The following OR2T10 variants were observed in gnomAD, a reference collection of about 807,000 sequenced individuals.
OR2T10 encodes the protein olfactory receptor 2T10.
For missense variants in OR2T10, 335 were observed against 382.5 expected (o/e 0.88, Z 1.04); for synonymous variants, 125 against 141.8 (o/e 0.88, Z 0.84).
In OR2T10 at chr1:248,594,725, T is replaced by C. The variant is rs537367041; in HGVS notation, c.-28-929A>G. Among the ~76,000 whole-genome samples, 15 of 143,718 alleles carry C rather than the reference T, an allele frequency of 1.0e-4. No homozygotes were observed. The South Asian group carries it at 3.3e-3, about 31-fold the overall frequency. 94.3% of individuals were successfully genotyped at this position (143,718 alleles called of 152,430 possible). A position where few individuals can be genotyped will look rare whatever the true frequency, so the allele number is the denominator to read the frequency against. On this transcript the variant is annotated intron_variant, in intron 1 of 1. Transcript: ENST00000642090. Reference sequence around the variant, plus strand: ...CCTTCTTTATAAAATTAAAGTAAAATGTAATTGGATTTTACAAGCCCACAT... The same window carrying C: ...CCTTCTTTATAAAATTAAAGTAAAACGTAATTGGATTTTACAAGCCCACAT...
rs116405511 is a variant in OR2T10 at position 248,590,624 on chromosome 1, C to A, written c.*2206G>T. On this transcript the variant is annotated 3_prime_UTR_variant, in exon 2 of 2. Transcript: ENST00000642090. ...TGGGGTTCTATGTGAGCTATAACTT[C>A]TAACCATATTCTATTTGGCCCATCT... 684 of 143,366 alleles carry A rather than the reference C, an allele frequency of 4.8e-3. 131 individuals are homozygous for A. The highest frequency in any genetic ancestry group is 0.018 in the African/African-American group (647 of 36,474). 8.9% of individuals were successfully genotyped at this position (143,366 alleles called of 1,614,324 possible).
chr1:248,594,322 C>T (rs1257033626), intron 1 of OR2T10, among the ~76,000 whole-genome samples: 1 of 143,432 alleles, frequency 7.0e-6, no homozygotes, highest in Non-Finnish European at 1.5e-5. Context: ...TAATTGTAAA[C>T]ATTTTAAACA....
chr1:248,593,599 G>C lies in OR2T10; in HGVS notation c.170C>G (p.Thr57Ser). Residue 57 changes from threonine to serine, a missense_variant, in exon 2 of 2, where the codon ACT (threonine) becomes AGT (serine). By Grantham distance (58) the Thr-to-Ser change is moderately conservative. Transcript: ENST00000642090. ...CTGGTTTATAAAGAAGTACATGGGA[G>C]TATGCAGAGAGGAGTCAATGTGGAT... ...LLIHIDSSLH[T>S]PMYFFINQLS... The C allele has an allele frequency of 3.8e-6, 6 of 1,566,080 alleles. No individual in the cohort carries two copies. The highest frequency in any genetic ancestry group is 5.2e-6 in the Non-Finnish European group (6 of 1,152,310).
chr1:248,596,985 G>A (rs1319467798), intron 1 of OR2T10, among the ~76,000 whole-genome samples: 1 of 143,338 alleles, frequency 7.0e-6, no homozygotes, highest in Non-Finnish European at 1.5e-5. Flanking sequence ...GGAGGAAGAA[G>A]AGAGGAAAAG....
Position 248,592,958 on chromosome 1 carries a change from C to T in OR2T10, c.811G>A (p.Asp271Asn). 6.4e-7 allele frequency: 1 copy of T among 1,568,966 alleles called. No homozygotes were observed. The highest frequency in any genetic ancestry group is 8.7e-7 in the Non-Finnish European group (1 of 1,153,118). Residue 271 changes from aspartate (D) to asparagine (N), a missense_variant, in exon 2 of 2, where the codon GAT becomes AAT. Coordinates refer to ENST00000642090, the MANE Select transcript of OR2T10 (RefSeq NM_001004693.2). ...GTGTAGAAAAAGGATGACATCATAT[C>T]TTTCTCAGGAGTTTGGTAGGAGCTG... ...LPSSYQTPEK[D>N]MMSSFFYTIL...
chr1:248,595,176 A>G (rs1356805688), intron 1 of OR2T10: 1 of 142,894 alleles, frequency 7.0e-6, no homozygotes, highest in Non-Finnish European at 1.5e-5. Context: ...TCTCTTGTTC[A>G]GAATTCTGTG....
rs78681164 is a variant in OR2T10 at position 248,595,715 on chromosome 1, A to C, written c.-29+1777T>G. On this transcript the variant is annotated intron_variant, in intron 1 of 1. Transcript: ENST00000642090. Reference sequence around the variant, plus strand: ...TAAACTATATTTTCCTGGAGCAGAAAGTAATTTTCTAAGTATAAAGGCAAA... The same window carrying C: ...TAAACTATATTTTCCTGGAGCAGAACGTAATTTTCTAAGTATAAAGGCAAA... Among the ~76,000 whole-genome samples, 14 of 143,740 alleles carry C rather than the reference A, an allele frequency of 9.7e-5. No homozygotes were observed. The East Asian group carries it at 2.8e-3, about 29-fold the overall frequency. 94.3% of individuals were successfully genotyped at this position (143,740 alleles called of 152,430 possible).
intron 1 of OR2T10, among the ~76,000 whole-genome samples, chr1:248,594,765 T>A (rs1660066203): frequency 7.0e-6 from 1 of 143,482 alleles, no homozygotes; most frequent in East Asian, 2.0e-4. Context: ...TCTTCCAATC[T>A]CCCCATTTTG....
chr1:248,595,344 GCTTTT>G (rs1558163904), intron 1 of OR2T10, among the ~76,000 whole-genome samples: 1 of 143,216 alleles, frequency 7.0e-6, no homozygotes, highest in Non-Finnish European at 1.5e-5. Context: ...TTATATTGCA[GCTTTT>G]CTTATGTAAC....
At position 248,592,660 on chromosome 1, in the gene OR2T10, G is replaced by A; in HGVS notation, c.*170C>T. The A allele has an allele frequency of 2.0e-6, 1 of 490,984 alleles. No individual in the cohort carries two copies. 30.4% of individuals were successfully genotyped at this position (490,984 alleles called of 1,614,324 possible). On this transcript the variant is annotated 3_prime_UTR_variant, in exon 2 of 2. Coordinates refer to ENST00000642090, the MANE Select transcript of OR2T10 (RefSeq NM_001004693.2). ...GCTACGAGGGAAGGGGGGGATAAGT[G>A]AACATCATCTCAAGTGTGATTATAG...
Position 248,592,997 on chromosome 1 carries a change from T to C in OR2T10, c.772A>G (p.Asn258Asp). The change falls in exon 2 of 2, where the codon AAC becomes GAC. Residue 258 changes from asparagine to aspartate, a missense_variant. Transcript: ENST00000642090. The stretch of plus-strand genomic sequence containing the variant: ...TGGTAGGAGCTGGGGAGCATGTAGT[T>C]GTAAATAGCAGCTCCATAGAAGAGG... ...VSLFYGAAIY[N>D]YMLPSSYQTP... The C allele has an allele frequency of 6.4e-7, 1 of 1,572,752 alleles. No individual in the cohort carries two copies. Among genetic ancestry groups the C allele is most frequent in the South Asian group, 1.1e-5 (1 of 88,880 alleles).
In OR2T10 at chr1:248,595,285, TTAA is replaced by T. The variant is rs557632444; in HGVS notation, c.-28-1492_-28-1490del. Among the ~76,000 whole-genome samples the T allele has an allele frequency of 1.4e-3, 195 of 144,054 alleles. 45 individuals carry two copies. The highest frequency in any genetic ancestry group is 5.1e-3 in the African/African-American group (187 of 36,770). 94.5% of individuals were successfully genotyped at this position (144,054 alleles called of 152,430 possible). ...TTAGATATCATTAATGTTCAATATA[TTAA>T]TAACGTGTCAAATGTTTATTTAAAT... is the stretch of plus-strand genomic sequence containing the variant. On this transcript the variant is annotated intron_variant, in intron 1 of 1. Transcript: ENST00000642090.
chr1:248,592,792 C>T lies in OR2T10; in HGVS notation c.*38G>A. The stretch of plus-strand genomic sequence containing the variant: ...GAAGGACACCTAAAGTGAAGAGAGA[C>T]TCTAAGAAGAGAGGACCAACTTAAG... On this transcript the variant is annotated 3_prime_UTR_variant, in exon 2 of 2. Transcript: ENST00000642090. 2 of 1,210,146 alleles carry T rather than the reference C, an allele frequency of 1.7e-6. No homozygotes were observed. The highest frequency in any genetic ancestry group is 2.3e-6 in the Non-Finnish European group (2 of 858,384). 75.0% of individuals were successfully genotyped at this position (1,210,146 alleles called of 1,614,324 possible). A position where few individuals can be genotyped will look rare whatever the true frequency, so the allele number is the denominator to read the frequency against.
rs774091874 is a variant in OR2T10 at position 248,592,958 on chromosome 1, C to A, written c.811G>T (p.Asp271Tyr). 3 of 1,568,966 alleles carry A rather than the reference C, an allele frequency of 1.9e-6. No homozygotes were observed. The South Asian group carries it at 3.4e-5, about 18-fold the overall frequency. The change falls in exon 2 of 2, where the codon GAT (aspartate) becomes TAT (tyrosine). Residue 271 changes from aspartate to tyrosine, a missense_variant. Asp to Tyr is a radical substitution (Grantham distance 160, BLOSUM62 -3). Coordinates refer to ENST00000642090, the MANE Select transcript of OR2T10 (RefSeq NM_001004693.2). ...LPSSYQTPEK[D>Y]MMSSFFYTIL... is the part of the protein sequence containing the mutation. ...GTGTAGAAAAAGGATGACATCATAT[C>A]TTTCTCAGGAGTTTGGTAGGAGCTG...
intron 1 of OR2T10, among the ~76,000 whole-genome samples, chr1:248,596,570 C>T (rs1226921462): frequency 2.1e-5 from 3 of 143,598 alleles, no homozygotes; most frequent in Admixed American, 6.8e-5. Flanking sequence ...CTCCCCTTAA[C>T]CAAATCAATT....
chr1:248,591,745 C>A lies in OR2T10; in HGVS notation c.*1085G>T, dbSNP rs1660002806. On this transcript the variant is annotated 3_prime_UTR_variant, in exon 2 of 2. Transcript: ENST00000642090. ...AGGGGCAGGGACTCCGGCCTGCCTG[C>A]CTGGGCTTAAATCCCTGTTGAGCAC... 7.0e-6 allele frequency: 1 copy of A among 143,722 alleles called. No individual in the cohort carries two copies. The highest frequency in any genetic ancestry group is 1.5e-5 in the Non-Finnish European group (1 of 66,332). The allele number at this position is 143,722 out of a possible 1,614,324, so 8.9% of individuals were successfully genotyped here. A position where few individuals can be genotyped will look rare whatever the true frequency, so the allele number is the denominator to read the frequency against.
At chr1:248,594,824 T>G (rs2103089017) in intron 1 of OR2T10, 1 of 144,024 alleles carries the variant, frequency 6.9e-6, no homozygotes, top group South Asian at 2.2e-4. Flanking sequence ...ATACTTATCT[T>G]ATCGTGACAT....
chr1:248,595,433 G>T (rs1660076827), intron 1 of OR2T10, among the ~76,000 whole-genome samples: 1 of 142,482 alleles, frequency 7.0e-6, no homozygotes, highest in African/African-American at 2.8e-5. Flanking sequence ...TATTGCAATT[G>T]GTCATATTAT....
rs1191384433 is a variant in OR2T10 at position 248,590,695 on chromosome 1, T to C, written c.*2135A>G. 1 of 143,330 alleles carries C rather than the reference T, an allele frequency of 7.0e-6. No individual in the cohort carries two copies. Among genetic ancestry groups the C allele is most frequent in the Non-Finnish European group, 1.5e-5 (1 of 66,264 alleles). The allele number at this position is 143,330 out of a possible 1,614,324, so 8.9% of individuals were successfully genotyped here. On this transcript the variant is annotated 3_prime_UTR_variant, in exon 2 of 2. Transcript: ENST00000642090. The stretch of plus-strand genomic sequence containing the variant: ...TCTTTCGTTGCTTCTTTTAGAAATA[T>C]AAAAATCTATCATTTTTTCATTTTA...
Sources: allele counts gnomAD v4.1 joint callset (sites outside exome capture counted in the v4.1 genomes callset), GRCh38; gene constraint gnomAD v4.1.1; transcripts MANE v1.5; gene names NCBI Gene and HGNC (gene_info 2026-07-23, HGNC 2026-07-21).